BRD3: variants seen among roughly 807,000 people sequenced by gnomAD.
BRD3 encodes the protein bromodomain-containing protein 3.
In BRD3, 17 loss-of-function variants were observed where a neutral mutation model predicts 66.8. That is an observed-to-expected ratio of 0.25 (90% CI 0.17 to 0.38). The LOEUF is 0.38. Among genes scored for constraint, BRD3 ranks in the 10% least tolerant of loss-of-function variants. BRD3 has a pLI of 1.00. For synonymous variants in BRD3, 421 were observed against 393.2 expected, an observed-to-expected ratio of 1.07 and a Z score of -0.84; for missense variants, 713 against 956.1, an observed-to-expected ratio of 0.75 and a Z score of 3.35.
In BRD3 at chr9:134,053,334, C is replaced by A. The variant is rs1830342751; in HGVS notation, c.144G>T (p.Lys48Asn). The A allele has an allele frequency of 6.2e-7, 1 of 1,613,364 alleles. No individual in the cohort carries two copies. Among genetic ancestry groups the A allele is most frequent in the Admixed American group, 1.7e-5 (1 of 59,958 alleles). ...QLQYMQNVVV[K>N]TLWKHQFAWP... is the part of the protein sequence containing the mutation. Reference sequence around the variant, plus strand: ...AGGCGAACTGGTGTTTCCAGAGCGTCTTCACCACCACATTCTGCATGTACT... The same window carrying A: ...AGGCGAACTGGTGTTTCCAGAGCGTATTCACCACCACATTCTGCATGTACT... Residue 48 changes from lysine (K) to asparagine (N), a missense_variant, in exon 2 of 12, where the codon AAG (lysine) becomes AAT (asparagine). By Grantham distance (94) the Lys-to-Asn change is moderately conservative. Coordinates refer to ENST00000303407, the MANE Select transcript of BRD3 (RefSeq NM_007371.4).
chr9:134,045,206 A>G lies in BRD3; in HGVS notation c.1215+87T>C, dbSNP rs867514108. The G allele has an allele frequency of 5.2e-6, 8 of 1,552,358 alleles. No homozygotes were observed. The highest frequency in any genetic ancestry group is 3.4e-4 in the Middle Eastern group (2 of 5,806). ...TCTCTAAGGCCTTCCTCGGCTGGAC[A>G]TTCACCTGGGCGCTTACCCCACACT... On this transcript the variant is annotated intron_variant, in intron 7 of 11. Transcript: ENST00000303407. The surrounding 1 kb of genome is among the most constrained non-coding windows in gnomAD (Gnocchi z 4.8).
intron 1 of BRD3, among the ~76,000 whole-genome samples, chr9:134,056,475 G>C (rs1286205114): frequency 6.6e-6 from 1 of 152,190 alleles, no homozygotes; most frequent in Admixed American, 6.5e-5. Flanking sequence ...CTCAGATTTT[G>C]CAAAAACTCG....
At position 134,033,596 on chromosome 9, in the gene BRD3, T is replaced by A; in HGVS notation, c.2175A>T (p.Ser725=). 1 of 764,378 alleles carries A rather than the reference T, an allele frequency of 1.3e-6. No homozygotes were observed. The highest frequency in any genetic ancestry group is 2.5e-5 in the East Asian group (1 of 40,766). 47.3% of individuals were successfully genotyped at this position (764,378 alleles called of 1,614,324 possible). A position where few individuals can be genotyped will look rare whatever the true frequency, so the allele number is the denominator to read the frequency against. ...TGTTCTGTCCGAAGCCAGTTCATTC[T>A]GAGTCACTGCTGTCAGAGCTGGACC... is the stretch of plus-strand genomic sequence containing the variant. The part of the protein sequence containing the change: ...SSGSSSDSSD[S]E Residue 725 remains serine, a synonymous_variant, in exon 12 of 12, where the codon TCA becomes TCT. Coordinates refer to ENST00000303407, the MANE Select transcript of BRD3 (RefSeq NM_007371.4). This position sits in a 1 kb window ranked among gnomAD's most constrained non-coding sequence, Gnocchi z 5.1.
Position 134,053,421 on chromosome 9 carries a change from C to A in BRD3, c.57G>T (p.Val19=), listed in dbSNP as rs1830345461. 15 of 1,612,090 alleles carry A rather than the reference C, an allele frequency of 9.3e-6. No individual in the cohort carries two copies. The highest frequency in any genetic ancestry group is 1.3e-5 in the African/African-American group (1 of 74,896). The change falls in exon 2 of 12, where the codon GTG becomes GTT. Residue 19 remains valine (V), a synonymous_variant. Transcript: ENST00000303407. Reference sequence around the variant, plus strand: ...TGGAGACCTCCGGGGGGGGTGGGTTCACAGGGCCCGGGGTCGCCGGGATCC... The same window carrying A: ...TGGAGACCTCCGGGGGGGGTGGGTTAACAGGGCCCGGGGTCGCCGGGATCC... ...PAGIPATPGP[V]NPPPPEVSNP... is the part of the protein sequence containing the mutation.
At position 134,032,439 on chromosome 9, in the gene BRD3, CA is replaced by C. The variant is rs10636879; in HGVS notation, c.*1150del. On this transcript the variant is annotated 3_prime_UTR_variant, in exon 12 of 12. Coordinates refer to ENST00000303407, the MANE Select transcript of BRD3 (RefSeq NM_007371.4). ...TACCTGTAAGCCTCCAAGTTTCATA[CA>C]AAAAAAAAAAAAAAAAAAAACCACA... 17,759 of 115,492 alleles carry C rather than the reference CA, an allele frequency of 0.15. 442 individuals carry two copies. The highest frequency in any genetic ancestry group is 0.23 in the African/African-American group (4,723 of 20,764). The allele number at this position is 115,492 out of a possible 1,614,324, so 7.2% of individuals were successfully genotyped here. A position where few individuals can be genotyped will look rare whatever the true frequency, so the allele number is the denominator to read the frequency against.
intron 1 of BRD3, among the ~76,000 whole-genome samples, chr9:134,065,438 A>G (rs193089954): frequency 5.6e-4 from 9 of 15,986 alleles, no homozygotes; most frequent in Admixed American, 5.9e-4. Flanking sequence ...GGAGAAGAGA[A>G]AAAAAAAAAA....
chr9:134,032,439 C>CAAA lies in BRD3; in HGVS notation c.*1148_*1150dup, dbSNP rs10636879. 247 of 116,390 alleles carry CAAA rather than the reference C, an allele frequency of 2.1e-3. No individual in the cohort carries two copies. The highest frequency in any genetic ancestry group is 4.2e-3 in the East Asian group (40 of 9,586). 7.2% of individuals were successfully genotyped at this position (116,390 alleles called of 1,614,324 possible). ...TACCTGTAAGCCTCCAAGTTTCATA[C>CAAA]AAAAAAAAAAAAAAAAAAAAACCAC... On this transcript the variant is annotated 3_prime_UTR_variant, in exon 12 of 12. Coordinates refer to ENST00000303407, the MANE Select transcript of BRD3 (RefSeq NM_007371.4).
intron 2 of BRD3, among the ~76,000 whole-genome samples, chr9:134,052,712 G>A (rs546509491): frequency 1.3e-5 from 2 of 152,338 alleles, no homozygotes; most frequent in African/African-American, 4.8e-5. Flanking sequence ...ACATACTGGA[G>A]ATGGGGCCAA....
intron 3 of BRD3, 85 bp from the exon 4 acceptor site, chr9:134,051,794 T>C (rs1830302382): frequency 1.4e-6 from 2 of 1,459,994 alleles, no homozygotes; most frequent in African/African-American, 2.9e-5. Flanking sequence ...CTCAAAAAAA[T>C]ATTTAAAATT....
chr9:134,061,511 G>A (rs1166223983), intron 1 of BRD3, among the ~76,000 whole-genome samples: 1 of 152,226 alleles, frequency 6.6e-6, no homozygotes, highest in African/African-American at 2.4e-5. Context: ...AAGGGTGGGG[G>A]TGCTGGAGGA....
rs750751807 is a variant in BRD3, at chr9:134,031,453, C to T, written c.*2137G>A. The T allele has an allele frequency of 3.9e-4, 80 of 203,460 alleles. No homozygotes were observed. Among genetic ancestry groups the T allele is most frequent in the Non-Finnish European group, 7.0e-4 (70 of 99,342 alleles). The allele number at this position is 203,460 out of a possible 1,614,324, so 12.6% of individuals were successfully genotyped here. On this transcript the variant is annotated 3_prime_UTR_variant, in exon 12 of 12. Coordinates refer to ENST00000303407, the MANE Select transcript of BRD3 (RefSeq NM_007371.4). ...CTGTCGTGTGTGAATTCCTTAAATT[C>T]GGTTTAAATAGTCCATTAAAGATCT...
At chr9:134,053,749 G>A (rs1313276696) in intron 1 of BRD3, 159 bp from the exon 2 acceptor site, 24 of 605,688 alleles carry the variant, frequency 4.0e-5, no homozygotes, top group South Asian at 5.4e-5. Context: ...AGAGGCTGTC[G>A]GGAAAGCTGC....
At position 134,040,056 on chromosome 9, in the gene BRD3, TG is replaced by T; in HGVS notation, c.1620del (p.Asn541ThrfsTer10). Reference sequence around the variant, plus strand: ...CACCTGCCGGCCGTGGTCGTGCTGTTGGCCTTCTTGGCAGGAGCCTTCTTCT... The same window carrying T: ...CACCTGCCGGCCGTGGTCGTGCTGTTGCCTTCTTGGCAGGAGCCTTCTTCT... ...AQQKKAPAKKANSTTTAGRQL... is the reference protein window; with the variant it reads ...AQQKKAPAKKXNSTTTAGRQL... On this transcript the variant is annotated frameshift_variant, in exon 9 of 12. Coordinates refer to ENST00000303407, the MANE Select transcript of BRD3 (RefSeq NM_007371.4). LOFTEE classifies it high-confidence loss of function. The T allele has an allele frequency of 6.3e-7, 1 of 1,593,760 alleles. No individual in the cohort carries two copies.
chr9:134,034,152 C>G (rs1843561361), intron 11 of BRD3, among the ~76,000 whole-genome samples: 1 of 152,218 alleles, frequency 6.6e-6, no homozygotes, highest in Non-Finnish European at 1.5e-5. Context: ...AGAACATGCT[C>G]CAGTCCAGAT....
chr9:134,053,251 C>T lies in BRD3; in HGVS notation c.213+14G>A. On this transcript the variant is annotated intron_variant, in intron 2 of 11. Coordinates refer to ENST00000303407, the MANE Select transcript of BRD3 (RefSeq NM_007371.4). ...CAGCAGAACGTGGCTCTTGGGGAGG[C>T]AGCAGCTACGCACCGGCAGGTTCAA... 6.2e-7 allele frequency: 1 copy of T among 1,612,922 alleles called. No homozygotes were observed. Among genetic ancestry groups the T allele is most frequent in the Non-Finnish European group, 8.5e-7 (1 of 1,179,892 alleles).
At position 134,051,708 on chromosome 9, in the gene BRD3, G is replaced by A. The variant is rs565005949; in HGVS notation, c.353C>T (p.Pro118Leu). ...GGCCATTAGCACTATGTCATCTGTG[G>A]GCTGAAGACACAGAGAGTCCAGGTC... ...MFTNCYIYNK[P>L]TDDIVLMAQA... is the part of the protein sequence containing the mutation. Residue 118 changes from proline (P) to leucine (L), a missense_variant and splice_region_variant, in exon 4 of 12, where the codon CCC becomes CTC. Pro to Leu is a moderately conservative substitution (Grantham distance 98). Around this residue, in one of 5 missense-constraint regions of BRD3, gnomAD observed 85 missense variants for 152.4 expected, o/e 0.56. Coordinates refer to ENST00000303407, the MANE Select transcript of BRD3 (RefSeq NM_007371.4). The A allele has an allele frequency of 1.3e-6, 2 of 1,590,568 alleles. No individual in the cohort carries two copies. Among genetic ancestry groups the A allele is most frequent in the African/African-American group, 1.4e-5 (1 of 73,180 alleles).
intron 1 of BRD3, chr9:134,054,191 G>A (rs1001167888): frequency 3.9e-5 from 6 of 152,364 alleles, no homozygotes; most frequent in African/African-American, 1.2e-4. Flanking sequence ...ATGGCGGCGT[G>A]GTTGTGACCC....
chr9:134,057,940 G>A (rs1372557749), intron 1 of BRD3: 1 of 152,334 alleles, frequency 6.6e-6, no homozygotes, highest in African/African-American at 2.4e-5. Flanking sequence ...CAGACACAGA[G>A]GCCCATGCAG....
At chr9:134,041,219 G>C (rs1830040045) in intron 8 of BRD3, among the ~76,000 whole-genome samples, 1 of 152,220 alleles carries the variant, frequency 6.6e-6, no homozygotes, top group African/African-American at 2.4e-5. Flanking sequence ...GAGGTCTGGG[G>C]AAACAATTCA....
Sources: gnomAD v4.1 joint callset for allele counts (sites outside exome capture counted in the v4.1 genomes callset) on GRCh38, gnomAD v4.1.1 for gene constraint, gnomAD v4.1.1 regional missense constraint, Gnocchi (gnomAD v3.1) non-coding constraint, MANE v1.5 for transcripts, NCBI Gene and HGNC (gene_info 2026-07-23, HGNC 2026-07-21) for gene names.